CTNNA2: variants seen among roughly 807,000 people sequenced by gnomAD.
The protein encoded by CTNNA2 is catenin alpha-2.
Under a neutral mutation model 101.0 loss-of-function variants are expected in CTNNA2, and 42 were observed. The observed-to-expected ratio is 0.42, with a 90% confidence interval of 0.32 to 0.54. CTNNA2 has a LOEUF of 0.54. Among genes scored for constraint, CTNNA2 ranks in the 20% least tolerant of loss-of-function variants. CTNNA2 has a pLI of 0.14. For missense variants in CTNNA2, 871 were observed against 1,223.1 expected (o/e 0.71, Z 4.29); for synonymous variants, 450 against 456.4 (o/e 0.99, Z 0.18).
intron 4 of CTNNA2, among the ~76,000 whole-genome samples, chr2:79,465,097 T>C (rs1670919217): frequency 6.6e-6 from 1 of 152,216 alleles, no homozygotes; most frequent in Admixed American, 6.5e-5. Context: ...GGTTTTCTTC[T>C]AGGGTTTTTA....
At chr2:79,875,978 T>A (rs1682994549) in intron 6 of CTNNA2, among the ~76,000 whole-genome samples, 2 of 151,710 alleles carry the variant, frequency 1.3e-5, no homozygotes, top group Admixed American at 1.3e-4. Context: ...TTTAAAAAGT[T>A]AATTTTATTT....
At chr2:79,956,843 G>GTTTTTTTTT (rs66471325) in intron 7 of CTNNA2, among the ~76,000 whole-genome samples, 19 of 98,900 alleles carry the variant, frequency 1.9e-4, no homozygotes, top group African/African-American at 8.0e-4. Context: ...ATACGTGTGG[G>GTTTTTTTTT]TTTTTTTTTT....
At chr2:79,741,524 T>C (rs570091704) in intron 2 of CTNNA2, among the ~76,000 whole-genome samples, 1 of 152,304 alleles carries the variant, frequency 6.6e-6, no homozygotes, top group African/African-American at 2.4e-5. Context: ...TATGTAGGTC[T>C]TCTTTTATGT....
At chr2:80,375,334 G>T (rs1559055728) in intron 7 of CTNNA2, among the ~76,000 whole-genome samples, 2 of 152,058 alleles carry the variant, frequency 1.3e-5, no homozygotes, top group Non-Finnish European at 2.9e-5. Context: ...AGAGGGGGAA[G>T]GGAGGTATAC....
chr2:80,184,198 A>G (rs1016292877), intron 7 of CTNNA2, among the ~76,000 whole-genome samples: 1 of 152,190 alleles, frequency 6.6e-6, no homozygotes, highest in Non-Finnish European at 1.5e-5. Context: ...GATACATTTG[A>G]AGGAGACAAT....
intron 7 of CTNNA2, among the ~76,000 whole-genome samples, chr2:80,076,229 A>T (rs1698737374): frequency 6.6e-6 from 1 of 151,374 alleles, no homozygotes; most frequent in Non-Finnish European, 1.5e-5. Context: ...AAGATGGCAT[A>T]GGTTTTGGGT....
At chr2:80,389,918 G>A (rs572768356) in intron 7 of CTNNA2, among the ~76,000 whole-genome samples, 2 of 152,270 alleles carry the variant, frequency 1.3e-5, no homozygotes, top group Admixed American at 1.3e-4. Context: ...ACAGAATCCG[G>A]ACAAGAGTAA....
At chr2:80,124,497 T>G (rs912481789) in intron 7 of CTNNA2, among the ~76,000 whole-genome samples, 1 of 152,280 alleles carries the variant, frequency 6.6e-6, no homozygotes, top group East Asian at 1.9e-4. Context: ...CAAATATAAC[T>G]TCATATTCTT....
intron 7 of CTNNA2, among the ~76,000 whole-genome samples, chr2:79,934,839 GAA>G (rs1178878171): frequency 1.3e-5 from 2 of 152,196 alleles, no homozygotes; most frequent in African/African-American, 4.8e-5. Flanking sequence ...TAGCATTACT[GAA>G]AAGAGATAGA....
At chr2:79,324,645 T>C (rs548493060) in intron 3 of CTNNA2, among the ~76,000 whole-genome samples, 1 of 152,226 alleles carries the variant, frequency 6.6e-6, no homozygotes, top group African/African-American at 2.4e-5. Flanking sequence ...AACTGAGCAT[T>C]TCTTTTCTAT....
At chr2:79,885,541 A>G (rs1457760898) in intron 6 of CTNNA2, among the ~76,000 whole-genome samples, 3 of 152,174 alleles carry the variant, frequency 2.0e-5, no homozygotes, top group African/African-American at 7.2e-5. Context: ...TCCCTTCTCA[A>G]TTCTAGTATT....
chr2:80,077,447 G>A (rs1310040475), intron 7 of CTNNA2, among the ~76,000 whole-genome samples: 1 of 151,850 alleles, frequency 6.6e-6, no homozygotes, highest in East Asian at 1.9e-4. Flanking sequence ...ACAATTTTTA[G>A]AAAAACAACA....
chr2:80,297,791 C>T (rs1293226053), intron 7 of CTNNA2, among the ~76,000 whole-genome samples: 4 of 152,144 alleles, frequency 2.6e-5, no homozygotes, highest in Non-Finnish European at 4.4e-5. Context: ...GCCTGCAAAG[C>T]GTCTACCTAC....
At chr2:79,256,409 A>G (rs568670637) in intron 2 of CTNNA2, among the ~76,000 whole-genome samples, 1 of 152,368 alleles carries the variant, frequency 6.6e-6, no homozygotes, top group Non-Finnish European at 1.5e-5. Flanking sequence ...TTGAATCTCC[A>G]GTGCCTGACT....
At chr2:79,734,473 T>A (rs1033302481) in intron 2 of CTNNA2, among the ~76,000 whole-genome samples, 6 of 152,150 alleles carry the variant, frequency 3.9e-5, no homozygotes, top group African/African-American at 1.4e-4. Flanking sequence ...ACATAAATTG[T>A]AAGACTCATT....
At chr2:80,340,351 C>T (rs1672116362) in intron 7 of CTNNA2, among the ~76,000 whole-genome samples, 1 of 152,222 alleles carries the variant, frequency 6.6e-6, no homozygotes, top group Admixed American at 6.5e-5. Flanking sequence ...TGAGGTTTCT[C>T]ATGGCCTTTT....
chr2:80,203,393 A>G (rs1446270978), intron 7 of CTNNA2, among the ~76,000 whole-genome samples: 1 of 152,224 alleles, frequency 6.6e-6, no homozygotes, highest in Non-Finnish European at 1.5e-5. Flanking sequence ...AGATACCAAG[A>G]GGGTACAGAC....
At chr2:79,704,583 G>A (rs1404777425) in intron 2 of CTNNA2, among the ~76,000 whole-genome samples, 1 of 149,954 alleles carries the variant, frequency 6.7e-6, no homozygotes, top group Non-Finnish European at 1.5e-5. Flanking sequence ...CACAATCTCG[G>A]CTCACTGCAA....
intron 4 of CTNNA2, among the ~76,000 whole-genome samples, chr2:79,395,584 A>G (rs1216041980): frequency 1.3e-5 from 2 of 152,184 alleles, no homozygotes; most frequent in Non-Finnish European, 2.9e-5. Flanking sequence ...TTACTTTTCC[A>G]TTAACATTCC....
Sources: gnomAD v4.1 joint callset for allele counts (sites outside exome capture counted in the v4.1 genomes callset) on GRCh38, gnomAD v4.1.1 for gene constraint, MANE v1.5 for transcripts, NCBI Gene and HGNC (gene_info 2026-07-23, HGNC 2026-07-21) for gene names.